DAZAP2: variants seen among roughly 807,000 people sequenced by gnomAD.
The protein encoded by DAZAP2 is DAZ associated protein 2.
In DAZAP2, 3 loss-of-function variants were observed where a neutral mutation model predicts 16.2. The ratio of observed to expected loss-of-function variants is 0.19; its 90% CI spans 0.08 to 0.48. The LOEUF (loss-of-function observed/expected upper bound fraction) is 0.48. Among genes scored for constraint, DAZAP2 ranks in the 20% least tolerant of loss-of-function variants. DAZAP2 has a pLI of 0.98. For synonymous variants in DAZAP2, 69 were observed against 77.6 expected (o/e 0.89, Z 0.58); for missense variants, 172 against 215.9 (o/e 0.80, Z 1.27).
At chr12:51,245,691 A>T, downstream of DAZAP2, 1 of 459,662 alleles carries the variant, frequency 2.2e-6, no homozygotes, top group Non-Finnish European at 3.9e-6. Flanking sequence ...GCATAGCCAC[A>T]TCTTGTTGGC....
downstream of DAZAP2, chr12:51,246,394 G>A (rs1944770103): frequency 6.3e-6 from 3 of 476,316 alleles, no homozygotes; most frequent in Non-Finnish European, 1.1e-5. Context: ...TTAAAGAAAC[G>A]GGAAGGAGGG....
At chr12:51,239,030 G>T (rs1330065626) in intron 1 of DAZAP2, 110 bp downstream of exon 1, 8 of 1,494,124 alleles carry the variant, frequency 5.4e-6, no homozygotes, top group Admixed American at 2.2e-5. Flanking sequence ...GCTGCGCCAT[G>T]CTCCTTGGCC....
At chr12:51,240,837 A>G in intron 2 of DAZAP2, 34 bp from the exon 3 acceptor site, 3 of 1,602,920 alleles carry the variant, frequency 1.9e-6, no homozygotes, top group Non-Finnish European at 2.6e-6. Flanking sequence ...AATGTCATAA[A>G]GTAACATTTT....
rs116203266 is a variant in DAZAP2 at position 51,240,997 on chromosome 12, A to G, written c.259A>G (p.Ile87Val). ...SVAVGPLGST[I>V]PMAYYPVGPI... ...GGCTGTTGGGCCTTTAGGTTCCACA[A>G]TCCCCATGGCTTATTATCCAGTCGG... is the stretch of plus-strand genomic sequence containing the variant. The change falls in exon 3 of 4, where the codon ATC becomes GTC. Residue 87 changes from isoleucine to valine, a missense_variant. Transcript: ENST00000412716. 4 of 1,614,138 alleles carry G rather than the reference A, an allele frequency of 2.5e-6. No homozygotes were observed. Among genetic ancestry groups the G allele is most frequent in the Middle Eastern group, 1.6e-4 (1 of 6,062 alleles).
chr12:51,240,281 G>T, intron 1 of DAZAP2, 62 bp from the exon 2 acceptor site: 2 of 1,347,772 alleles, frequency 1.5e-6, no homozygotes, highest in Non-Finnish European at 2.1e-6. Flanking sequence ...TACCCGATAT[G>T]ACCTGCCTCA....
At chr12:51,246,052 C>A (rs1336147291), downstream of DAZAP2, 2 of 1,613,822 alleles carry the variant, frequency 1.2e-6, no homozygotes, top group Non-Finnish European at 1.7e-6. Context: ...TGCCTTTGTT[C>A]TTGTACAGGT....
intron 3 of DAZAP2, among the ~76,000 whole-genome samples, chr12:51,241,643 G>A (rs1004070694): frequency 4.6e-5 from 7 of 152,186 alleles, no homozygotes; most frequent in African/African-American, 1.4e-4. Context: ...TCATTAGCGA[G>A]CCTTCAGTTT....
rs1944716971 is a variant in DAZAP2 at position 51,243,424 on chromosome 12, T to A, written c.*966T>A. On this transcript the variant is annotated 3_prime_UTR_variant, in exon 4 of 4. Transcript: ENST00000412716. ...TTGTCAGAGTGTCTGATGCGGCCAC[T>A]CATTCGGCTCCCCAGAATTCCTAGA... The A allele has an allele frequency of 1.0e-6, 1 of 985,702 alleles. No individual in the cohort carries two copies. Among genetic ancestry groups the A allele is most frequent in the Non-Finnish European group, 1.2e-6 (1 of 829,938 alleles). The allele number at this position is 985,702 out of a possible 1,614,324, so 61.1% of individuals were successfully genotyped here. A position where few individuals can be genotyped will look rare whatever the true frequency, so the allele number is the denominator to read the frequency against.
chr12:51,242,319 T>C lies in DAZAP2; in HGVS notation c.379-11T>C, dbSNP rs764539554. The C allele has an allele frequency of 1.4e-5, 22 of 1,576,618 alleles. No individual in the cohort carries two copies. The highest frequency in any genetic ancestry group is 4.5e-5 in the East Asian group (2 of 44,642). On this transcript the variant is annotated splice_polypyrimidine_tract_variant and intron_variant, in intron 3 of 3. Coordinates refer to ENST00000412716, the MANE Select transcript of DAZAP2 (RefSeq NM_014764.4). ...GCCCTGTGCCCATTCTATCATGTCA[T>C]TTCCTTTCAGCCTCCACCTCCTGGA...
chr12:51,242,957 A>G lies in DAZAP2; in HGVS notation c.*499A>G, dbSNP rs1944705750. The G allele has an allele frequency of 1.4e-5, 15 of 1,077,388 alleles. No individual in the cohort carries two copies. Among genetic ancestry groups the G allele is most frequent in the South Asian group, 9.7e-5 (3 of 30,814 alleles). 66.7% of individuals were successfully genotyped at this position (1,077,388 alleles called of 1,614,324 possible). On this transcript the variant is annotated 3_prime_UTR_variant, in exon 4 of 4. Transcript: ENST00000412716. The stretch of plus-strand genomic sequence containing the variant: ...CCCCACCCATCCCATCTCCAACCCT[A>G]GTCTTCCATTTCCTCCCGCCAGTCT...
chr12:51,242,270 A>G (rs938626245), intron 3 of DAZAP2, 60 bp from the exon 4 acceptor site: 60 of 1,522,822 alleles, frequency 3.9e-5, no homozygotes, highest in East Asian at 1.4e-4. Flanking sequence ...TGCTTCCCCT[A>G]TGTCCCCTTC....
Position 51,238,879 on chromosome 12 carries a change from C to G in DAZAP2, c.-29C>G, listed in dbSNP as rs758485572. ...GGACGAAAAAAATAACCGTCCGCGA[C>G]GCCGAGACAAACCGGACCCGCAACC... On this transcript the variant is annotated 5_prime_UTR_variant, in exon 1 of 4. Coordinates refer to ENST00000412716, the MANE Select transcript of DAZAP2 (RefSeq NM_014764.4). The G allele has an allele frequency of 4.3e-6, 7 of 1,613,062 alleles. No homozygotes were observed. The East Asian group carries it at 1.6e-4, about 36-fold the overall frequency.
At chr12:51,239,768 A>G (rs1277327972) in intron 1 of DAZAP2, 1 of 153,466 alleles carries the variant, frequency 6.5e-6, no homozygotes. Flanking sequence ...CAAAAGAGCG[A>G]GACTCCGTCT....
chr12:51,246,160 G>C, downstream of DAZAP2: 1 of 1,607,938 alleles, frequency 6.2e-7, no homozygotes, highest in Non-Finnish European at 8.5e-7. Context: ...TTTCAGGATT[G>C]AGGATGTCTC....
intron 1 of DAZAP2, 87 bp from the exon 2 acceptor site, chr12:51,240,256 T>G: frequency 1.0e-6 from 1 of 987,690 alleles, no homozygotes; most frequent in Non-Finnish European, 1.6e-6. Context: ...TTCTGCTTGC[T>G]CCCACTAAGT....
chr12:51,240,438 G>C lies in DAZAP2; in HGVS notation c.109G>C (p.Asp37His), dbSNP rs1450126076. 1 of 1,613,816 alleles carries C rather than the reference G, an allele frequency of 6.2e-7. No homozygotes were observed. Among genetic ancestry groups the C allele is most frequent in the Non-Finnish European group, 8.5e-7 (1 of 1,179,964 alleles). Residue 37 changes from aspartate to histidine, a missense_variant, in exon 2 of 4, where the codon GAT becomes CAT. Physicochemically the swap from Asp to His is moderately conservative, Grantham distance 81. Transcript: ENST00000412716. The stretch of plus-strand genomic sequence containing the variant: ...TCTTCCTCAGGCTCCACCCTATACC[G>C]ATGCTCCACCTGCCTACTCAGAGGT... ...LHLPQAPPYT[D>H]APPAYSELYR...
chr12:51,239,673 G>C (rs1944632720), intron 1 of DAZAP2: 1 of 152,354 alleles, frequency 6.6e-6, no homozygotes, highest in South Asian at 2.0e-4. Context: ...CCAGCTACTC[G>C]GGAGGCTGGG....
downstream of DAZAP2, chr12:51,244,723 A>AT (rs376440797): frequency 6.1e-5 from 9 of 148,508 alleles, no homozygotes; most frequent in Non-Finnish European, 8.9e-5. Context: ...TGGTAGGTTG[A>AT]TTTTTTCTGG....
intron 2 of DAZAP2, 52 bp from the exon 3 acceptor site, chr12:51,240,819 C>T: frequency 6.3e-7 from 1 of 1,590,906 alleles, no homozygotes; most frequent in Non-Finnish European, 8.6e-7. Context: ...AAAGAGATCT[C>T]AAATAGGAAT....
Sources: allele counts gnomAD v4.1 joint callset (sites outside exome capture counted in the v4.1 genomes callset), GRCh38; gene constraint gnomAD v4.1.1; transcripts MANE v1.5; gene names NCBI Gene and HGNC (gene_info 2026-07-23, HGNC 2026-07-21).